The following AUTS2 variants were observed in gnomAD, a reference collection of about 807,000 sequenced individuals.
AUTS2 encodes activator of transcription and developmental regulator AUTS2.
Under a neutral mutation model 112.4 loss-of-function variants are expected in AUTS2, and 17 were observed. That is an observed-to-expected ratio of 0.15 (90% CI 0.10 to 0.23). The LOEUF is 0.23. Among genes scored for constraint, AUTS2 ranks in the 10% least tolerant of loss-of-function variants. AUTS2 has a pLI of 1.00. For missense variants in AUTS2, 1,510 were observed against 1,701.6 expected, an observed-to-expected ratio of 0.89 and a Z score of 1.98; for synonymous variants, 751 against 702.7, an observed-to-expected ratio of 1.07 and a Z score of -1.09.
At chr7:70,118,408 T>C (rs1036593954) in intron 3 of AUTS2, 175 bp downstream of exon 3, 13 of 759,332 alleles carry the variant, frequency 1.7e-5, no homozygotes, top group African/African-American at 7.3e-5. Context: ...ATTGTAGTTA[T>C]GGTGTCATTC....
intron 4 of AUTS2, among the ~76,000 whole-genome samples, chr7:70,163,330 T>C (rs1362849069): frequency 3.4e-5 from 1 of 29,324 alleles, no homozygotes; most frequent in African/African-American, 1.1e-4. Flanking sequence ...AAGATGAGTG[T>C]TAGGTTGTGG....
At chr7:70,283,836 A>T (rs1177565279) in intron 4 of AUTS2, among the ~76,000 whole-genome samples, 1 of 152,088 alleles carries the variant, frequency 6.6e-6, no homozygotes, top group East Asian at 1.9e-4. Context: ...ATCATTTTTT[A>T]AAAAAGGAAA....
intron 1 of AUTS2, among the ~76,000 whole-genome samples, chr7:69,686,751 C>G (rs1797083561): frequency 6.6e-6 from 1 of 152,068 alleles, no homozygotes; most frequent in African/African-American, 2.4e-5. Context: ...TTGTCAGATT[C>G]TCAGCAGTGG....
At chr7:70,060,459 T>C (rs1584655922) in intron 2 of AUTS2, among the ~76,000 whole-genome samples, 1 of 152,162 alleles carries the variant, frequency 6.6e-6, no homozygotes, top group East Asian at 1.9e-4. Context: ...GGGCTGGCAA[T>C]CTGTGTTGTA....
intron 1 of AUTS2, among the ~76,000 whole-genome samples, chr7:69,805,118 C>G (rs1362765612): frequency 1.3e-5 from 2 of 152,192 alleles, no homozygotes. Context: ...TGAATATGAT[C>G]CACTGTGGCA....
At chr7:70,029,892 A>G (rs919387840) in intron 2 of AUTS2, among the ~76,000 whole-genome samples, 1 of 152,242 alleles carries the variant, frequency 6.6e-6, no homozygotes, top group Non-Finnish European at 1.5e-5. Flanking sequence ...CAGGTGGACT[A>G]TAATTTACCA....
Position 70,397,070 on chromosome 7 carries a change from T to A in AUTS2, c.661-38682T>A, listed in dbSNP as rs536727046. ...TCATTTTAGCCATTCTTTTATTATT[T>A]TTTTTTTTTTGAGATGGAATTTTGC... On this transcript the variant is annotated intron_variant, in intron 4 of 18. Transcript: ENST00000342771. 1.9e-3 allele frequency among the ~76,000 whole-genome samples: 291 copies of A among 150,104 alleles called. 1 individual carries two copies. Among genetic ancestry groups the A allele is most frequent in the African/African-American group, 5.9e-3 (242 of 41,236 alleles).
chr7:70,180,682 C>T (rs1562768188), intron 4 of AUTS2, among the ~76,000 whole-genome samples: 1 of 152,260 alleles, frequency 6.6e-6, no homozygotes, highest in African/African-American at 2.4e-5. Flanking sequence ...GGCTCAGGTA[C>T]ATGAACTGCA....
At chr7:70,438,973 G>T (rs1383543778) in intron 5 of AUTS2, among the ~76,000 whole-genome samples, 2 of 152,106 alleles carry the variant, frequency 1.3e-5, no homozygotes, top group Non-Finnish European at 2.9e-5. Context: ...CTAAAATTAG[G>T]GTACTGTGTT....
At chr7:70,258,007 G>A (rs751710514) in intron 4 of AUTS2, among the ~76,000 whole-genome samples, 8 of 152,214 alleles carry the variant, frequency 5.3e-5, no homozygotes, top group Non-Finnish European at 7.3e-5. Flanking sequence ...CATCTTGTGT[G>A]TGACTGCTGC....
Position 70,260,998 on chromosome 7 carries a change from C to T in AUTS2, c.660+126427C>T, listed in dbSNP as rs183367190. Among the ~76,000 whole-genome samples, 550 of 152,214 alleles carry T rather than the reference C, an allele frequency of 3.6e-3. 2 individuals are homozygous for T. The highest frequency in any genetic ancestry group is 0.012 in the African/African-American group (518 of 41,544). On this transcript the variant is annotated intron_variant, in intron 4 of 18. Coordinates refer to ENST00000342771, the MANE Select transcript of AUTS2 (RefSeq NM_015570.4). ...CCCTAACCTTGTGATCCACCCGCCT[C>T]GGGCTCCCAAAGTGCTGGGATTACA...
intron 4 of AUTS2, among the ~76,000 whole-genome samples, chr7:70,396,740 G>A (rs1046688943): frequency 6.6e-6 from 1 of 152,260 alleles, no homozygotes; most frequent in East Asian, 1.9e-4. Flanking sequence ...GCTGAGTAGT[G>A]TATGGATATA....
At chr7:69,647,603 G>T (rs1795082510) in intron 1 of AUTS2, among the ~76,000 whole-genome samples, 1 of 152,104 alleles carries the variant, frequency 6.6e-6, no homozygotes, top group African/African-American at 2.4e-5. Context: ...CAATCCTCCT[G>T]CCTCAGCTTC....
At chr7:70,592,297 A>C (rs1802986229) in intron 5 of AUTS2, among the ~76,000 whole-genome samples, 1 of 152,210 alleles carries the variant, frequency 6.6e-6, no homozygotes, top group Non-Finnish European at 1.5e-5. Context: ...CCCAGGTTTG[A>C]ATTCAGCTCT....
intron 2 of AUTS2, among the ~76,000 whole-genome samples, chr7:70,065,413 G>A (rs991231689): frequency 6.6e-6 from 1 of 152,042 alleles, no homozygotes; most frequent in Non-Finnish European, 1.5e-5. Context: ...TATTATTATT[G>A]CCAGGCACGG....
intron 1 of AUTS2, among the ~76,000 whole-genome samples, chr7:69,763,901 C>G (rs910267315): frequency 6.6e-6 from 1 of 152,196 alleles, no homozygotes; most frequent in African/African-American, 2.4e-5. Flanking sequence ...GCCCTTGTCA[C>G]ACATAACATG....
At chr7:70,259,125 T>A (rs1787032182) in intron 4 of AUTS2, among the ~76,000 whole-genome samples, 1 of 152,120 alleles carries the variant, frequency 6.6e-6, no homozygotes, top group Non-Finnish European at 1.5e-5. Context: ...ATGCATATCT[T>A]TGAGTGGACA....
chr7:70,169,301 C>T (rs1216299471), intron 4 of AUTS2, among the ~76,000 whole-genome samples: 3 of 151,930 alleles, frequency 2.0e-5, no homozygotes, highest in Non-Finnish European at 1.5e-5. Flanking sequence ...AGTGCAGTGT[C>T]GCGATCTTGG....
chr7:70,179,638 A>G (rs1809191215), intron 4 of AUTS2, among the ~76,000 whole-genome samples: 1 of 152,152 alleles, frequency 6.6e-6, no homozygotes, highest in South Asian at 2.1e-4. Flanking sequence ...GATTTCCCCA[A>G]AAACAGGAGA....
Sources: allele counts gnomAD v4.1 joint callset (sites outside exome capture counted in the v4.1 genomes callset), GRCh38; gene constraint gnomAD v4.1.1; transcripts MANE v1.5; gene names NCBI Gene and HGNC (gene_info 2026-07-23, HGNC 2026-07-21).